Variants in NADSYN1 observed in about 807,000 individuals in gnomAD.
NADSYN1 encodes the protein NAD synthetase 1.
NADSYN1 carries 80 observed loss-of-function variants against 99.3 expected under a neutral mutation model. The observed-to-expected ratio is 0.81, with a 90% confidence interval of 0.67 to 0.97. NADSYN1 has a LOEUF of 0.97. NADSYN1 is among the 50% of genes least tolerant of loss of function. The probability of loss-of-function intolerance (pLI) is 0.00; values close to 1 mark genes in which losing one functional copy is unlikely to be tolerated. For synonymous variants in NADSYN1, 385 were observed against 372.1 expected, an observed-to-expected ratio of 1.03 and a Z score of -0.40; for missense variants, 859 against 948.5, an observed-to-expected ratio of 0.91 and a Z score of 1.24.
intron 8 of NADSYN1, 81 bp from the exon 9 acceptor site, chr11:71,474,314 G>A (rs1949649505): frequency 6.3e-7 from 1 of 1,582,208 alleles, no homozygotes; most frequent in East Asian, 2.2e-5. Context: ...GGACTCGGCG[G>A]AGGTTCCTGT....
intron 19 of NADSYN1, 84 bp downstream of exon 19, chr11:71,497,695 G>A (rs1591138018): frequency 1.3e-6 from 2 of 1,535,440 alleles, no homozygotes; most frequent in East Asian, 2.3e-5. Context: ...GTAGGAACAA[G>A]TAGATAACAG....
chr11:71,496,908 C>T (rs1233282243), intron 18 of NADSYN1: 1 of 153,812 alleles, frequency 6.5e-6, no homozygotes, highest in African/African-American at 2.4e-5. Context: ...CAGGGTCTGG[C>T]TCTGTCACCC....
At chr11:71,495,467 G>A (rs1281207296) in intron 18 of NADSYN1, among the ~76,000 whole-genome samples, 1 of 152,226 alleles carries the variant, frequency 6.6e-6, no homozygotes, top group Admixed American at 6.5e-5. Flanking sequence ...CGTCCCGTGT[G>A]CCCTTGGGAG....
chr11:71,479,282 G>C (rs1035773647), intron 10 of NADSYN1: 1 of 149,244 alleles, frequency 6.7e-6, no homozygotes, highest in Non-Finnish European at 1.5e-5. Flanking sequence ...TTTTTTTAGA[G>C]ACAGAGTCTC....
intron 2 of NADSYN1, 149 bp from the exon 3 acceptor site, chr11:71,458,279 T>A (rs113430433): frequency 2.1e-5 from 14 of 666,880 alleles, no homozygotes; most frequent in African/African-American, 1.1e-4. Flanking sequence ...GGTCTTATGC[T>A]GGCTGCTCAT....
intron 3 of NADSYN1, chr11:71,459,838 A>C (rs1392915844): frequency 6.6e-6 from 1 of 152,302 alleles, no homozygotes; most frequent in Non-Finnish European, 1.5e-5. Context: ...CCCTGTTCAC[A>C]CGGATGATGC....
chr11:71,494,359 G>A (rs190480078), intron 18 of NADSYN1, among the ~76,000 whole-genome samples: 75 of 152,314 alleles, frequency 4.9e-4, no homozygotes, highest in African/African-American at 1.8e-3. Context: ...GTGCACGTGT[G>A]TAGCCTAGGA....
Position 71,498,421 on chromosome 11 carries a change from C to A in NADSYN1, c.1963C>A (p.Pro655Thr). 6 of 1,614,156 alleles carry A rather than the reference C, an allele frequency of 3.7e-6. No individual in the cohort carries two copies. The highest frequency in any genetic ancestry group is 5.1e-6 in the Non-Finnish European group (6 of 1,180,022). ...CAGACACAAGATGACCACGCTCACA[C>A]CCGCGTACCACGCCGAGAACTACAG... ...MNRHKMTTLTPAYHAENYSPE... is the reference protein window; with the variant it reads ...MNRHKMTTLTTAYHAENYSPE... Residue 655 changes from proline to threonine, a missense_variant, in exon 20 of 21, where the codon CCC (proline) becomes ACC (threonine). Pro to Thr is a conservative substitution (Grantham distance 38). Coordinates refer to ENST00000319023, the MANE Select transcript of NADSYN1 (RefSeq NM_018161.5).
intron 2 of NADSYN1, 134 bp downstream of exon 2, chr11:71,455,304 G>C (rs1250652666): frequency 1.4e-6 from 1 of 695,570 alleles, no homozygotes; most frequent in African/African-American, 1.8e-5. Context: ...GTTGGGCCTG[G>C]TTAATGCCAT....
chr11:71,464,322 G>A (rs1949572917), intron 5 of NADSYN1, 180 bp downstream of exon 5: 3 of 563,100 alleles, frequency 5.3e-6, no homozygotes, highest in Admixed American at 3.2e-5. Flanking sequence ...CCAAAGGAGA[G>A]AGTGATTGAA....
chr11:71,455,195 G>C (rs368933620), intron 2 of NADSYN1, 25 bp downstream of exon 2: 2 of 1,602,008 alleles, frequency 1.2e-6, no homozygotes, highest in African/African-American at 1.3e-5. Flanking sequence ...AGACACCCTG[G>C]GGTCGTCAGC....
At chr11:71,486,731 C>T (rs954482114) in intron 16 of NADSYN1, among the ~76,000 whole-genome samples, 6 of 151,934 alleles carry the variant, frequency 3.9e-5, no homozygotes, top group Non-Finnish European at 7.4e-5. Context: ...CATCCATCGA[C>T]CCATCTGTCC....
At chr11:71,497,640 G>C (rs1283695574) in intron 19 of NADSYN1, 29 bp downstream of exon 19, 5 of 1,613,358 alleles carry the variant, frequency 3.1e-6, no homozygotes, top group Non-Finnish European at 3.4e-6. Flanking sequence ...ATCACAGAGG[G>C]AGGCCAGTTA....
rs543320276 is a variant in NADSYN1 at position 71,484,464 on chromosome 11, C to T, written c.1455+17C>T. ...AATGTGCAGGTGCCCCCGCCTGGGC[C>T]GGCGTCCCCTGGGGGTGGGGGTGCA... On this transcript the variant is annotated intron_variant, in intron 15 of 20. Transcript: ENST00000319023. The T allele has an allele frequency of 4.4e-5, 70 of 1,608,978 alleles. No individual in the cohort carries two copies. Among genetic ancestry groups the T allele is most frequent in the Admixed American group, 3.0e-4 (18 of 59,424 alleles).
chr11:71,464,205 G>C, intron 5 of NADSYN1, 63 bp downstream of exon 5: 2 of 1,357,434 alleles, frequency 1.5e-6, no homozygotes, highest in South Asian at 2.5e-5. Context: ...GTGTAGCCTT[G>C]GGTCCTGATC....
intron 9 of NADSYN1, chr11:71,477,480 A>T (rs948214904): frequency 1.6e-6 from 2 of 1,282,062 alleles, no homozygotes; most frequent in African/African-American, 1.5e-5. Flanking sequence ...GGGGCGCGCA[A>T]GGTGGCCACG....
rs201724854 is a variant in NADSYN1 at position 71,490,952 on chromosome 11, G to A, written c.1670G>A (p.Arg557His). 1.7e-5 allele frequency: 27 copies of A among 1,614,160 alleles called. No homozygotes were observed. The highest frequency in any genetic ancestry group is 1.0e-4 in the Admixed American group (6 of 60,022). ...GCCTTCGTCCAGTTCTGCATCCAGC[G>A]CTTCCAGCTTCCTGCCCTGCAGAGG... ...LRAFVQFCIQ[R>H]FQLPALQSIL... The change falls in exon 17 of 21, where the codon CGC becomes CAC. Residue 557 changes from arginine to histidine, a missense_variant. Arg to His is a conservative substitution (Grantham distance 29, BLOSUM62 0). Coordinates refer to ENST00000319023, the MANE Select transcript of NADSYN1 (RefSeq NM_018161.5).
At chr11:71,490,819 C>A in intron 16 of NADSYN1, 26 bp from the exon 17 acceptor site, 1 of 1,612,870 alleles carries the variant, frequency 6.2e-7, no homozygotes, top group Non-Finnish European at 8.5e-7. Context: ...CTTGGGAACC[C>A]GCGCTCTTTC....
In NADSYN1 at chr11:71,472,463, A is replaced by G. The variant is rs1037721899; in HGVS notation, c.422A>G (p.Tyr141Cys). ...PWSRSRHTEEYFLPRMIQDLT... is the reference protein window; with the variant it reads ...PWSRSRHTEECFLPRMIQDLT... Reference sequence around the variant, plus strand: ...TTCCTCTCCAGGCACACAGAGGAGTACTTTCTGCCTCGGATGATACAGGAC... The same window carrying G: ...TTCCTCTCCAGGCACACAGAGGAGTGCTTTCTGCCTCGGATGATACAGGAC... Residue 141 changes from tyrosine to cysteine, a missense_variant, in exon 6 of 21, where the codon TAC becomes TGC. Transcript: ENST00000319023. 24 of 1,613,314 alleles carry G rather than the reference A, an allele frequency of 1.5e-5. No homozygotes were observed. Among genetic ancestry groups the G allele is most frequent in the African/African-American group, 4.0e-5 (3 of 74,900 alleles).
Sources: gnomAD v4.1 joint callset for allele counts (sites outside exome capture counted in the v4.1 genomes callset) on GRCh38, gnomAD v4.1.1 for gene constraint, MANE v1.5 for transcripts, NCBI Gene and HGNC (gene_info 2026-07-23, HGNC 2026-07-21) for gene names.